The following PTPRD variants were observed in gnomAD, a reference collection of about 807,000 sequenced individuals.
PTPRD encodes the protein protein tyrosine phosphatase receptor type D, also known as receptor-type tyrosine-protein phosphatase delta.
PTPRD carries 34 observed loss-of-function variants against 214.5 expected under a neutral mutation model. The observed-to-expected ratio is 0.16, with a 90% confidence interval of 0.12 to 0.21. PTPRD has a LOEUF of 0.21. Ranked by LOEUF, PTPRD falls within the 10% of genes least tolerant of loss-of-function variation. PTPRD has a pLI of 1.00. For missense variants in PTPRD, 2,545 were observed against 2,398.7 expected (o/e 1.06, Z -1.27); for synonymous variants, 1,128 against 845.7 (o/e 1.33, Z -5.79).
At chr9:9,590,047 TAAAAGA>T (rs1479166825) in intron 7 of PTPRD, among the ~76,000 whole-genome samples, 3 of 151,978 alleles carry the variant, frequency 2.0e-5, no homozygotes, top group Non-Finnish European at 4.4e-5. Context: ...TTCTTTTACT[TAAAAGA>T]AAGAGTACAA....
intron 9 of PTPRD, among the ~76,000 whole-genome samples, chr9:9,224,297 A>G (rs1299012114): frequency 6.6e-6 from 1 of 151,952 alleles, no homozygotes. Context: ...TGTTTGCTGG[A>G]TATTATGTGT....
In PTPRD at chr9:8,746,652, C is replaced by T. The variant is rs975373377; in HGVS notation, c.-103-12706G>A. Among the ~76,000 whole-genome samples the T allele has an allele frequency of 3.9e-5, 6 of 152,148 alleles. No individual in the cohort carries two copies. The East Asian group carries it at 1.2e-3, about 29-fold the overall frequency. On this transcript the variant is annotated intron_variant, in intron 11 of 45. Transcript: ENST00000381196. ...ACCAATTGTTATCTTAAATGAACAG[C>T]CCATTAAACTAAAAGAAAAGAAAAT...
intron 11 of PTPRD, among the ~76,000 whole-genome samples, chr9:8,851,202 A>G (rs1448531594): frequency 2.3e-5 from 1 of 43,102 alleles, no homozygotes; most frequent in Non-Finnish European, 4.1e-5. Context: ...ACCATTAAAG[A>G]AAAAAAAAAA....
At chr9:9,841,535 TTC>T (rs1260771986) in intron 5 of PTPRD, among the ~76,000 whole-genome samples, 12 of 152,128 alleles carry the variant, frequency 7.9e-5, no homozygotes, top group African/African-American at 2.9e-4. Context: ...TTTTACATAT[TTC>T]TGTTATTAGA....
rs951823875 is a variant in PTPRD at position 8,340,566 on chromosome 9, G to A, written c.5127-97C>T. On this transcript the variant is annotated intron_variant, in intron 41 of 45. Coordinates refer to ENST00000381196, the MANE Select transcript of PTPRD (RefSeq NM_002839.4). Reference sequence around the variant, plus strand: ...AAACATCAACCTGCTAATAAAAAACGAAAACATATTATTAATGCAATTGAG... The same window carrying A: ...AAACATCAACCTGCTAATAAAAAACAAAAACATATTATTAATGCAATTGAG... 13 of 1,207,278 alleles carry A rather than the reference G, an allele frequency of 1.1e-5. 1 individual carries two copies. The highest frequency in any genetic ancestry group is 9.0e-5 in the African/African-American group (6 of 67,002). The allele number at this position is 1,207,278 out of a possible 1,614,324, so 74.8% of individuals were successfully genotyped here.
At chr9:8,527,199 A>T in intron 16 of PTPRD, 146 bp downstream of exon 16, 1 of 742,570 alleles carries the variant, frequency 1.3e-6, no homozygotes, top group South Asian at 2.1e-5. Flanking sequence ...AGTTCTGTGG[A>T]GGTGTGTGTG....
At chr9:10,492,288 C>A (rs1425394518) in intron 2 of PTPRD, among the ~76,000 whole-genome samples, 1 of 152,132 alleles carries the variant, frequency 6.6e-6, no homozygotes, top group East Asian at 1.9e-4. Context: ...AATTGCCACA[C>A]AGTCTTCCAC....
chr9:10,116,270 T>C (rs948098577), intron 3 of PTPRD, among the ~76,000 whole-genome samples: 1 of 152,132 alleles, frequency 6.6e-6, no homozygotes, highest in African/African-American at 2.4e-5. Context: ...ACATGGATTA[T>C]TAGTGTTTAT....
intron 4 of PTPRD, among the ~76,000 whole-genome samples, chr9:10,020,334 G>C (rs562824093): frequency 6.6e-6 from 1 of 150,814 alleles, no homozygotes; most frequent in East Asian, 2.0e-4. Context: ...ACGGAGTCTT[G>C]CTCTGTCACC....
chr9:9,827,909 A>G (rs2053507389), intron 5 of PTPRD, among the ~76,000 whole-genome samples: 1 of 152,220 alleles, frequency 6.6e-6, no homozygotes, highest in Admixed American at 6.5e-5. Flanking sequence ...AAAAATGCTC[A>G]TCATCACTGG....
intron 7 of PTPRD, among the ~76,000 whole-genome samples, chr9:9,663,312 A>G (rs1045753125): frequency 6.6e-6 from 1 of 151,518 alleles, no homozygotes; most frequent in African/African-American, 2.4e-5. Flanking sequence ...ACCATTGTAA[A>G]TATCTATATT....
intron 3 of PTPRD, among the ~76,000 whole-genome samples, chr9:10,221,771 A>G (rs572986265): frequency 6.6e-6 from 1 of 151,860 alleles, no homozygotes; most frequent in South Asian, 2.1e-4. Flanking sequence ...ACTAGTGTTC[A>G]TGGCTAAAAA....
chr9:9,041,628 C>A (rs530168176), intron 10 of PTPRD, among the ~76,000 whole-genome samples: 1 of 152,130 alleles, frequency 6.6e-6, no homozygotes, highest in African/African-American at 2.4e-5. Context: ...CAGAACTATA[C>A]CCTGAGGAGG....
intron 14 of PTPRD, among the ~76,000 whole-genome samples, chr9:8,546,449 A>T (rs983693603): frequency 6.6e-6 from 1 of 152,072 alleles, no homozygotes; most frequent in Non-Finnish European, 1.5e-5. Flanking sequence ...TATGGGAGAG[A>T]ACTTTTCCCC....
intron 10 of PTPRD, among the ~76,000 whole-genome samples, chr9:9,088,246 C>T (rs1177300711): frequency 6.6e-6 from 1 of 150,532 alleles, no homozygotes; most frequent in Non-Finnish European, 1.5e-5. Context: ...AAAGAAAGTT[C>T]TTCTAAATTT....
intron 5 of PTPRD, among the ~76,000 whole-genome samples, chr9:9,769,141 A>G (rs1303136165): frequency 6.6e-6 from 1 of 152,118 alleles, no homozygotes; most frequent in Non-Finnish European, 1.5e-5. Context: ...ACAACAAGGA[A>G]AGAAGAAAAA....
chr9:9,604,622 C>T (rs994063018), intron 7 of PTPRD, among the ~76,000 whole-genome samples: 2 of 151,996 alleles, frequency 1.3e-5, no homozygotes, highest in Non-Finnish European at 2.9e-5. Context: ...TCCAAAACTA[C>T]CATTACTACT....
intron 11 of PTPRD, among the ~76,000 whole-genome samples, chr9:8,929,885 G>GTA (rs1567064549): frequency 1.7e-5 from 1 of 57,322 alleles, no homozygotes; most frequent in East Asian, 3.7e-4. Context: ...GTATATATGT[G>GTA]TGTGTATATA....
chr9:9,354,038 G>A (rs1181714500), intron 9 of PTPRD, among the ~76,000 whole-genome samples: 1 of 151,732 alleles, frequency 6.6e-6, no homozygotes, highest in East Asian at 2.0e-4. Context: ...AGGCTGCTCT[G>A]AGCTCCTTGT....
Sources: gnomAD v4.1 joint callset for allele counts (sites outside exome capture counted in the v4.1 genomes callset) on GRCh38, gnomAD v4.1.1 for gene constraint, MANE v1.5 for transcripts, NCBI Gene and HGNC (gene_info 2026-07-23, HGNC 2026-07-21) for gene names.